The following TMEM132C variants were observed in gnomAD, a reference collection of about 807,000 sequenced individuals.
TMEM132C encodes the protein protein phosphatase 1, regulatory subunit 152.
In TMEM132C, 29 loss-of-function variants were observed where a neutral mutation model predicts 61.4. The observed-to-expected ratio is 0.47, with a 90% CI of 0.35 to 0.64. The LOEUF (loss-of-function observed/expected upper bound fraction) is 0.64, where lower values mean the gene tolerates loss of function less well. TMEM132C is among the 30% of genes least tolerant of loss of function. The probability of loss-of-function intolerance (pLI) is 0.00; values close to 1 mark genes in which losing one functional copy is unlikely to be tolerated. For missense variants in TMEM132C, 1,408 were observed against 1,476.9 expected, an observed-to-expected ratio of 0.95 and a Z score of 0.76; for synonymous variants, 656 against 633.1, an observed-to-expected ratio of 1.04 and a Z score of -0.54.
At chr12:128,583,203 T>C (rs1266865424) in intron 3 of TMEM132C, among the ~76,000 whole-genome samples, 1 of 152,208 alleles carries the variant, frequency 6.6e-6, no homozygotes, top group Non-Finnish European at 1.5e-5. Flanking sequence ...TTATAAGTAA[T>C]TTTTGAGCAT....
intron 3 of TMEM132C, among the ~76,000 whole-genome samples, chr12:128,589,385 C>G (rs927802215): frequency 6.6e-6 from 1 of 152,036 alleles, no homozygotes; most frequent in Admixed American, 6.5e-5. Context: ...ACCTGGCTCC[C>G]ACCGTCCCTC....
At chr12:128,480,045 C>T (rs1695367704) in intron 2 of TMEM132C, among the ~76,000 whole-genome samples, 1 of 152,106 alleles carries the variant, frequency 6.6e-6, no homozygotes, top group Admixed American at 6.5e-5. Flanking sequence ...ATTGCTTGAG[C>T]CCAGGAGTTT....
At chr12:128,689,217 T>G (rs1051607135) in intron 5 of TMEM132C, among the ~76,000 whole-genome samples, 3 of 152,222 alleles carry the variant, frequency 2.0e-5, no homozygotes, top group Non-Finnish European at 2.9e-5. Context: ...TGTATGAATA[T>G]AATGTATTCT....
chr12:128,306,300 T>C (rs1871779962), intron 1 of TMEM132C, among the ~76,000 whole-genome samples: 1 of 151,004 alleles, frequency 6.6e-6, no homozygotes, highest in African/African-American at 2.4e-5. Context: ...CCCCCCGGGT[T>C]CTGCCATACT....
intron 2 of TMEM132C, among the ~76,000 whole-genome samples, chr12:128,469,023 G>A (rs1417997082): frequency 6.6e-6 from 1 of 152,120 alleles, no homozygotes; most frequent in African/African-American, 2.4e-5. Flanking sequence ...GAAACACAAA[G>A]AATTCAACAC....
At chr12:128,437,156 G>A (rs1421323317) in intron 2 of TMEM132C, among the ~76,000 whole-genome samples, 6 of 152,132 alleles carry the variant, frequency 3.9e-5, no homozygotes, top group Admixed American at 2.0e-4. Context: ...TGTGGTGGGG[G>A]GCTGGGGGAG....
At chr12:128,479,042 GAAC>G (rs1175204014) in intron 2 of TMEM132C, among the ~76,000 whole-genome samples, 1 of 152,148 alleles carries the variant, frequency 6.6e-6, no homozygotes, top group Non-Finnish European at 1.5e-5. Context: ...GGGCTGGCAA[GAAC>G]AACATCATGT....
Position 128,646,273 on chromosome 12 carries a change from A to G in TMEM132C, c.1306-23144A>G, listed in dbSNP as rs147790275. Among the ~76,000 whole-genome samples, 555 of 132,592 alleles carry G rather than the reference A, an allele frequency of 4.2e-3. 2 individuals carry two copies. Among genetic ancestry groups the G allele is most frequent in the African/African-American group, 0.015 (523 of 34,534 alleles). The allele number at this position is 132,592 out of a possible 152,430, so 87.0% of individuals were successfully genotyped here. On this transcript the variant is annotated intron_variant, in intron 4 of 8. Coordinates refer to ENST00000435159, the MANE Select transcript of TMEM132C (RefSeq NM_001136103.3). ...TGAGTGTGTTTACTAGATCCCATCA[A>G]CTTTCAATATGAGTGTGTTCACTGG...
At chr12:128,613,546 T>C (rs1228867981) in intron 3 of TMEM132C, among the ~76,000 whole-genome samples, 1 of 152,180 alleles carries the variant, frequency 6.6e-6, no homozygotes, top group Non-Finnish European at 1.5e-5. Flanking sequence ...AGACTAGCAA[T>C]TCATGCTTGA....
chr12:128,487,427 C>G (rs916585366), intron 2 of TMEM132C, among the ~76,000 whole-genome samples: 12 of 152,040 alleles, frequency 7.9e-5, no homozygotes, highest in Non-Finnish European at 1.2e-4. Flanking sequence ...CTACTTTGGT[C>G]TCTCTCTGGC....
At chr12:128,608,150 G>A (rs1219035663) in intron 3 of TMEM132C, among the ~76,000 whole-genome samples, 1 of 152,194 alleles carries the variant, frequency 6.6e-6, no homozygotes, top group Non-Finnish European at 1.5e-5. Context: ...CTATTAAACA[G>A]GAGAAATAGT....
chr12:128,474,691 T>C (rs1871098469), intron 2 of TMEM132C, among the ~76,000 whole-genome samples: 1 of 152,170 alleles, frequency 6.6e-6, no homozygotes, highest in African/African-American at 2.4e-5. Flanking sequence ...GAAATTACAA[T>C]ATAGCCCGTT....
intron 2 of TMEM132C, among the ~76,000 whole-genome samples, chr12:128,477,729 G>T (rs1035567956): frequency 1.3e-5 from 2 of 152,084 alleles, no homozygotes; most frequent in Non-Finnish European, 2.9e-5. Context: ...ATAGGCACCC[G>T]CCGTCACACC....
At chr12:128,536,587 G>A (rs888041573) in intron 2 of TMEM132C, among the ~76,000 whole-genome samples, 1 of 152,050 alleles carries the variant, frequency 6.6e-6, no homozygotes, top group South Asian at 2.1e-4. Context: ...ATGAGGGTTG[G>A]ACTCCTAAGT....
At chr12:128,293,811 C>T (rs1460574598) in intron 1 of TMEM132C, among the ~76,000 whole-genome samples, 1 of 152,200 alleles carries the variant, frequency 6.6e-6, no homozygotes, top group African/African-American at 2.4e-5. Context: ...CCCGCATCGT[C>T]TCTGTCACCT....
At chr12:128,376,000 A>T (rs1874180329) in intron 1 of TMEM132C, among the ~76,000 whole-genome samples, 1 of 152,148 alleles carries the variant, frequency 6.6e-6, no homozygotes, top group East Asian at 1.9e-4. Context: ...CTTGCGTTTG[A>T]GGCTGCCTGC....
At position 128,326,088 on chromosome 12, in the gene TMEM132C, G is replaced by A. The variant is rs905933667; in HGVS notation, c.85+58601G>A. 6.6e-6 allele frequency among the ~76,000 whole-genome samples: 1 copy of A among 152,148 alleles called. No individual in the cohort carries two copies. Among genetic ancestry groups the A allele is most frequent in the African/African-American group, 2.4e-5 (1 of 41,420 alleles). On this transcript the variant is annotated intron_variant, in intron 1 of 8. Coordinates refer to ENST00000435159, the MANE Select transcript of TMEM132C (RefSeq NM_001136103.3). This position sits in a 1 kb window ranked among gnomAD's most constrained non-coding sequence, Gnocchi z 5.6. Reference sequence around the variant, plus strand: ...TGAACGAGTAAATGAATGAATGCATGCATTCATGTTTCTTCAAAGATAAAT... The same window carrying A: ...TGAACGAGTAAATGAATGAATGCATACATTCATGTTTCTTCAAAGATAAAT...
intron 2 of TMEM132C, among the ~76,000 whole-genome samples, chr12:128,441,620 A>C (rs751928469): frequency 2.6e-5 from 4 of 152,110 alleles, no homozygotes; most frequent in Non-Finnish European, 5.9e-5. Context: ...GCTTATTCTC[A>C]ATGTCTGTGA....
intron 4 of TMEM132C, among the ~76,000 whole-genome samples, chr12:128,645,737 T>C (rs1954191544): frequency 3.9e-5 from 6 of 152,134 alleles, no homozygotes. Context: ...TGGATGGGAG[T>C]GTGTTTAGCT....
Sources: allele counts gnomAD v4.1 joint callset (sites outside exome capture counted in the v4.1 genomes callset), GRCh38; gene constraint gnomAD v4.1.1; non-coding constraint Gnocchi (gnomAD v3.1); transcripts MANE v1.5; gene names NCBI Gene and HGNC (gene_info 2026-07-23, HGNC 2026-07-21).